ANAPC1: variants seen among roughly 807,000 people sequenced by gnomAD.
ANAPC1 encodes anaphase-promoting complex subunit 1.
ANAPC1 carries 36 observed loss-of-function variants against 208.0 expected under a neutral mutation model. The observed-to-expected ratio is 0.17, with a 90% CI of 0.13 to 0.23. The LOEUF (loss-of-function observed/expected upper bound fraction) is 0.23, where lower values mean the gene tolerates loss of function less well. Ranked by LOEUF, ANAPC1 falls within the 10% of genes least tolerant of loss-of-function variation. The pLI, the probability that ANAPC1 is intolerant of heterozygous loss-of-function variation, is 1.00. For synonymous variants in ANAPC1, 378 were observed against 695.2 expected (o/e 0.54, Z 7.18); for missense variants, 942 against 2,011.6 (o/e 0.47, Z 10.17).
chr2:111,878,728 C>T, intron 3 of ANAPC1, 82 bp downstream of exon 3: 3 of 1,575,938 alleles, frequency 1.9e-6, no homozygotes. Context: ...CTGGTTTTAT[C>T]ATTTCTGTTA....
chr2:111,833,749 T>C (rs1027375115), intron 19 of ANAPC1, among the ~76,000 whole-genome samples: 1 of 149,836 alleles, frequency 6.7e-6, no homozygotes, highest in Admixed American at 6.7e-5. Context: ...GCCATGATTA[T>C]GGTTTGGAAA....
chr2:111,877,826 C>G (rs1055918979), intron 3 of ANAPC1, among the ~76,000 whole-genome samples: 13 of 152,116 alleles, frequency 8.5e-5, no homozygotes, highest in East Asian at 3.9e-4. Flanking sequence ...AATAATAAAG[C>G]TTTAGCCATT....
intron 38 of ANAPC1, among the ~76,000 whole-genome samples, chr2:111,790,908 G>T (rs1289368139): frequency 6.6e-6 from 1 of 152,218 alleles, no homozygotes; most frequent in African/African-American, 2.4e-5. Context: ...GGCTGCCAGA[G>T]GCTGGTGGGA....
intron 16 of ANAPC1, among the ~76,000 whole-genome samples, chr2:111,845,836 G>A (rs1243036268): frequency 2.0e-5 from 3 of 151,942 alleles, no homozygotes; most frequent in African/African-American, 4.8e-5. Flanking sequence ...TTAGCCGGGC[G>A]TGGTGGCGGG....
At position 111,772,473 on chromosome 2, in the gene ANAPC1, C is replaced by G. The variant is rs757342710; in HGVS notation, c.5587G>C (p.Gly1863Arg). ...DNTLDQWLQV[G>R]GDMCVHAYLS... ...TAGGCGTGCACACACATATCACCCCCGACTGTGAGAGAAACAAATGGAACG... is the reference window on the plus strand; with the variant it reads ...TAGGCGTGCACACACATATCACCCCGGACTGTGAGAGAAACAAATGGAACG... Residue 1863 changes from glycine to arginine, a missense_variant and splice_region_variant, in exon 47 of 48, where the codon GGG becomes CGG. By Grantham distance (125) the Gly-to-Arg change is moderately radical. Coordinates refer to ENST00000341068, the MANE Select transcript of ANAPC1 (RefSeq NM_022662.4). The G allele has an allele frequency of 2.8e-6, 4 of 1,414,122 alleles. No homozygotes were observed. In the African/African-American group the frequency reaches 5.9e-5, roughly 21 times the overall value. The allele number at this position is 1,414,122 out of a possible 1,614,324, so 87.6% of individuals were successfully genotyped here.
intron 25 of ANAPC1, chr2:111,821,755 G>A (rs1456031197): frequency 2.6e-6 from 1 of 382,052 alleles, no homozygotes; most frequent in Non-Finnish European, 4.9e-6. Flanking sequence ...CCAACATGGT[G>A]AGGATGATTT....
At chr2:111,786,540 AC>A (rs1677561433) in intron 39 of ANAPC1, among the ~76,000 whole-genome samples, 1 of 133,626 alleles carries the variant, frequency 7.5e-6, no homozygotes, top group Non-Finnish European at 1.6e-5. Flanking sequence ...TACTAAAAAT[AC>A]AAAAAAATTA....
At chr2:111,856,942 A>T (rs1401516883) in intron 11 of ANAPC1, 56 bp from the exon 12 acceptor site, 1 of 1,340,270 alleles carries the variant, frequency 7.5e-7, no homozygotes, top group Non-Finnish European at 1.1e-6. Flanking sequence ...TATGGGTATT[A>T]AAAGTATTAT....
intron 3 of ANAPC1, among the ~76,000 whole-genome samples, chr2:111,877,761 G>A (rs922805654): frequency 1.4e-4 from 21 of 152,050 alleles, no homozygotes; most frequent in African/African-American, 5.1e-4. Context: ...TCCAGCCTGG[G>A]TGACAGAGCA....
chr2:111,830,166 A>G (rs1680058388), intron 21 of ANAPC1, among the ~76,000 whole-genome samples: 1 of 152,254 alleles, frequency 6.6e-6, no homozygotes, highest in Non-Finnish European at 1.5e-5. Context: ...CTATAAAGCT[A>G]CAGTAATTAC....
At chr2:111,883,743 G>A (rs1029992112) in intron 1 of ANAPC1, among the ~76,000 whole-genome samples, 199 bp downstream of exon 1, 4 of 152,322 alleles carry the variant, frequency 2.6e-5, no homozygotes, top group Non-Finnish European at 5.9e-5. Flanking sequence ...AGCAGGAGCC[G>A]GAAGGAGCAC....
rs575478898 is a variant in ANAPC1 at position 111,883,122 on chromosome 2, C to A, written c.-25+820G>T. Among the ~76,000 whole-genome samples, 9 of 143,466 alleles carry A rather than the reference C, an allele frequency of 6.3e-5. No individual in the cohort carries two copies. In the South Asian group the frequency reaches 2.1e-3, roughly 33 times the overall value. 94.1% of individuals were successfully genotyped at this position (143,466 alleles called of 152,430 possible). ...CAGAGGTTACAGTGAGCTGAGATGG[C>A]GCCACTGCACTCCAGCCTAGGAGAC... is the stretch of plus-strand genomic sequence containing the variant. On this transcript the variant is annotated intron_variant, in intron 1 of 47. Coordinates refer to ENST00000341068, the MANE Select transcript of ANAPC1 (RefSeq NM_022662.4).
intron 19 of ANAPC1, among the ~76,000 whole-genome samples, chr2:111,834,177 G>C (rs1194021899): frequency 6.6e-6 from 1 of 152,200 alleles, no homozygotes; most frequent in Non-Finnish European, 1.5e-5. Context: ...ATTTAGGCAA[G>C]TTTCCTCATC....
intron 17 of ANAPC1, among the ~76,000 whole-genome samples, chr2:111,839,786 T>G (rs1418777195): frequency 6.6e-6 from 1 of 152,182 alleles, no homozygotes; most frequent in Non-Finnish European, 1.5e-5. Flanking sequence ...ATGTCCCTGC[T>G]ATAATTATCA....
At chr2:111,835,647 G>A (rs1351680311) in intron 18 of ANAPC1, among the ~76,000 whole-genome samples, 1 of 152,010 alleles carries the variant, frequency 6.6e-6, no homozygotes, top group Non-Finnish European at 1.5e-5. Context: ...GACCTTCCTG[G>A]CTAACACGGT....
chr2:111,775,883 C>G (rs1402936), intron 46 of ANAPC1, among the ~76,000 whole-genome samples: 7 of 152,380 alleles, frequency 4.6e-5, no homozygotes, highest in Admixed American at 1.3e-4. Flanking sequence ...AATTATGAAG[C>G]TATATGATCT....
At chr2:111,857,219 T>C (rs1328878810) in intron 11 of ANAPC1, among the ~76,000 whole-genome samples, 3 of 152,380 alleles carry the variant, frequency 2.0e-5, no homozygotes, top group South Asian at 2.1e-4. Flanking sequence ...ATTGATGAAA[T>C]TTGAAATAAA....
rs922909496 is a variant in ANAPC1 at position 111,767,683 on chromosome 2, A to G, written c.*1608T>C. The stretch of plus-strand genomic sequence containing the variant: ...TTATTCAGGAAAAGCACACAATCGT[A>G]AACAACGGAGAGTGAAGACAGTAAC... On this transcript the variant is annotated 3_prime_UTR_variant, in exon 48 of 48. Coordinates refer to ENST00000341068, the MANE Select transcript of ANAPC1 (RefSeq NM_022662.4). 2 of 119,990 alleles carry G rather than the reference A, an allele frequency of 1.7e-5. 1 individual carries two copies. Among genetic ancestry groups the G allele is most frequent in the African/African-American group, 7.1e-5 (2 of 28,232 alleles). 7.4% of individuals were successfully genotyped at this position (119,990 alleles called of 1,614,324 possible). A position where few individuals can be genotyped will look rare whatever the true frequency, so the allele number is the denominator to read the frequency against.
At position 111,824,970 on chromosome 2, in the gene ANAPC1, A is replaced by G. The variant is rs781745176; in HGVS notation, c.2808T>C (p.Asn936=). The change falls in exon 24 of 48, where the codon AAT becomes AAC. Residue 936 remains asparagine (N), a synonymous_variant. Transcript: ENST00000341068. ...AGGTAACAAAGAAGCTCTCACCTAC[A>G]TTAGTCATCCAGACAACCAATCTTT... ...LAERLVVWMT[N]VGFTLRDLET... 1 of 1,613,978 alleles carries G rather than the reference A, an allele frequency of 6.2e-7. No individual in the cohort carries two copies. Among genetic ancestry groups the G allele is most frequent in the Non-Finnish European group, 8.5e-7 (1 of 1,179,866 alleles).
Sources: gnomAD v4.1 joint callset for allele counts (sites outside exome capture counted in the v4.1 genomes callset) on GRCh38, gnomAD v4.1.1 for gene constraint, MANE v1.5 for transcripts, NCBI Gene and HGNC (gene_info 2026-07-23, HGNC 2026-07-21) for gene names.